AFAP1L2: variants seen among roughly 807,000 people sequenced by gnomAD.
AFAP1L2 encodes the protein actin filament-associated protein 1-like 2.
Under a neutral mutation model 99.3 loss-of-function variants are expected in AFAP1L2, and 46 were observed. That is an observed-to-expected ratio of 0.46 (90% confidence interval 0.37 to 0.59). The LOEUF (loss-of-function observed/expected upper bound fraction) is 0.59. AFAP1L2 is among the 20% of genes least tolerant of loss of function. The pLI, the probability that AFAP1L2 is intolerant of heterozygous loss-of-function variation, is 0.00. For synonymous variants in AFAP1L2, 397 were observed against 419.1 expected (o/e 0.95, Z 0.64); for missense variants, 959 against 1,034.9 (o/e 0.93, Z 1.01).
intron 13 of AFAP1L2, 114 bp downstream of exon 13, chr10:114,301,240 A>G (rs376177517): frequency 1.2e-6 from 1 of 846,740 alleles, no homozygotes. Flanking sequence ...TAGGTGACTC[A>G]GAACCCACTC....
intron 1 of AFAP1L2, among the ~76,000 whole-genome samples, chr10:114,364,093 G>A (rs1015409938): frequency 6.6e-6 from 1 of 152,152 alleles, no homozygotes; most frequent in Non-Finnish European, 1.5e-5. Context: ...TTCATTCTTT[G>A]AGTCCCTCTT....
In AFAP1L2 at chr10:114,301,261, A is replaced by G. The variant is rs550727175; in HGVS notation, c.1542+93T>C. ...ACTCAGAACCCACTCATCTCATCTC[A>G]GGGATACTCTAATGATCTCTGGCAT... On this transcript the variant is annotated intron_variant, in intron 13 of 18. Transcript: ENST00000304129. 1.0e-5 allele frequency: 11 copies of G among 1,061,320 alleles called. No individual in the cohort carries two copies. The African/African-American group carries it at 1.6e-4, about 15-fold the overall frequency. The allele number at this position is 1,061,320 out of a possible 1,614,324, so 65.7% of individuals were successfully genotyped here. A position where few individuals can be genotyped will look rare whatever the true frequency, so the allele number is the denominator to read the frequency against.
At chr10:114,342,424 T>C (rs149416698) in intron 1 of AFAP1L2, among the ~76,000 whole-genome samples, 55 of 152,340 alleles carry the variant, frequency 3.6e-4, no homozygotes, top group Non-Finnish European at 6.9e-4. Context: ...GGGCTAAATA[T>C]TGGGCCCCTA....
intron 1 of AFAP1L2, among the ~76,000 whole-genome samples, chr10:114,366,967 C>A (rs2136815589): frequency 6.6e-6 from 1 of 152,034 alleles, no homozygotes; most frequent in East Asian, 1.9e-4. Context: ...ACTCCTGTCT[C>A]AAAAAAACAA....
chr10:114,323,327 C>G, intron 4 of AFAP1L2, 66 bp from the exon 5 acceptor site: 1 of 1,416,698 alleles, frequency 7.1e-7, no homozygotes, highest in South Asian at 1.2e-5. Context: ...TTGGAAATAA[C>G]TCTTCGGGTG....
At chr10:114,373,713 C>A (rs1037168178) in intron 1 of AFAP1L2, among the ~76,000 whole-genome samples, 2 of 152,158 alleles carry the variant, frequency 1.3e-5, no homozygotes, top group African/African-American at 4.8e-5. Flanking sequence ...TGACCACAGG[C>A]TTCCCCAAAA....
At chr10:114,290,260 C>A, downstream of AFAP1L2, 1 of 1,550,574 alleles carries the variant, frequency 6.4e-7, no homozygotes, top group South Asian at 1.2e-5. Flanking sequence ...GCCAGTCAAC[C>A]TCTGCAAACC....
intron 1 of AFAP1L2, among the ~76,000 whole-genome samples, chr10:114,380,094 C>A (rs2055407568): frequency 6.6e-6 from 1 of 152,194 alleles, no homozygotes; most frequent in South Asian, 2.1e-4. Flanking sequence ...TATCTAGGTT[C>A]TCAATGGCAA....
intron 1 of AFAP1L2, among the ~76,000 whole-genome samples, chr10:114,392,153 A>G (rs2057231695): frequency 6.6e-6 from 1 of 152,198 alleles, no homozygotes; most frequent in African/African-American, 2.4e-5. Flanking sequence ...TGGGAGGCTG[A>G]GGCAGGAGGA....
the AFAP1L2 span, chr10:114,285,979 C>T: frequency 6.2e-7 from 1 of 1,610,628 alleles, no homozygotes; most frequent in Non-Finnish European, 8.5e-7. Flanking sequence ...ACCTCCTCTT[C>T]CTGCTGGACA....
At chr10:114,352,479 TAAAAAAA>T (rs766929781) in intron 1 of AFAP1L2, among the ~76,000 whole-genome samples, 8 of 71,390 alleles carry the variant, frequency 1.1e-4, no homozygotes, top group Admixed American at 2.3e-4. Context: ...GTCTCCAAAT[TAAAAAAA>T]AAAAAAAAAA....
At chr10:114,333,167 T>TC in intron 3 of AFAP1L2, 54 bp downstream of exon 3, 2 of 1,507,790 alleles carry the variant, frequency 1.3e-6, no homozygotes, top group Non-Finnish European at 1.8e-6. Context: ...GCTTGGACCT[T>TC]CCCCCATCCC....
At chr10:114,339,372 G>A (rs1007292922) in intron 2 of AFAP1L2, among the ~76,000 whole-genome samples, 1 of 152,200 alleles carries the variant, frequency 6.6e-6, no homozygotes, top group Non-Finnish European at 1.5e-5. Flanking sequence ...GCGTGAACCC[G>A]GAAGGCGGAG....
At chr10:114,317,985 C>T (rs559275653) in intron 5 of AFAP1L2, among the ~76,000 whole-genome samples, 1 of 152,302 alleles carries the variant, frequency 6.6e-6, no homozygotes, top group East Asian at 1.9e-4. Flanking sequence ...CATGTCCATG[C>T]AACTGTAATC....
At chr10:114,303,670 G>T (rs1336266206) in intron 11 of AFAP1L2, among the ~76,000 whole-genome samples, 1 of 152,256 alleles carries the variant, frequency 6.6e-6, no homozygotes, top group African/African-American at 2.4e-5. Context: ...TCCAGGCTGC[G>T]TCTCTGCCCT....
At chr10:114,333,157 G>T in intron 3 of AFAP1L2, 64 bp downstream of exon 3, 1 of 1,456,386 alleles carries the variant, frequency 6.9e-7, no homozygotes, top group Non-Finnish European at 9.6e-7. Flanking sequence ...GACAGAACCA[G>T]CTTGGACCTT....
At chr10:114,364,509 T>C (rs2136686235) in intron 1 of AFAP1L2, among the ~76,000 whole-genome samples, 1 of 152,226 alleles carries the variant, frequency 6.6e-6, no homozygotes, top group Admixed American at 6.5e-5. Flanking sequence ...TGTTGTCACA[T>C]GGCATGACAT....
chr10:114,334,483 C>T (rs1254225147), intron 2 of AFAP1L2, among the ~76,000 whole-genome samples: 3 of 152,226 alleles, frequency 2.0e-5, no homozygotes, highest in African/African-American at 7.2e-5. Context: ...CAGTGTCACT[C>T]TGTTGCACGA....
chr10:114,285,028 C>T, the AFAP1L2 span: 1 of 1,398,806 alleles, frequency 7.1e-7, no homozygotes, highest in South Asian at 1.4e-5. Context: ...AGGACGGGCT[C>T]CCCTTTTCAT....
Sources: allele counts gnomAD v4.1 joint callset (sites outside exome capture counted in the v4.1 genomes callset), GRCh38; gene constraint gnomAD v4.1.1; transcripts MANE v1.5; gene names NCBI Gene and HGNC (gene_info 2026-07-23, HGNC 2026-07-21).